The following IGFN1 variants were observed in gnomAD, a reference collection of about 807,000 sequenced individuals.
The protein encoded by IGFN1 is immunoglobulin-like and fibronectin type III domain-containing protein 1.
In IGFN1, 253 loss-of-function variants were observed where a neutral mutation model predicts 289.5. That is an observed-to-expected ratio of 0.87 (90% confidence interval 0.79 to 0.97). The LOEUF (loss-of-function observed/expected upper bound fraction) is 0.97. Ranked by LOEUF, IGFN1 falls within the 50% of genes least tolerant of loss-of-function variation. The probability of loss-of-function intolerance (pLI) is 0.00; values close to 1 mark genes in which losing one functional copy is unlikely to be tolerated. For missense variants in IGFN1, 4,470 were observed against 4,686.1 expected, an observed-to-expected ratio of 0.95 and a Z score of 1.35; for synonymous variants, 1,706 against 1,788.5, an observed-to-expected ratio of 0.95 and a Z score of 1.16.
chr1:201,220,143 C>A (rs1282013702), intron 18 of IGFN1, among the ~76,000 whole-genome samples: 5 of 144,308 alleles, frequency 3.5e-5, no homozygotes, highest in Non-Finnish European at 6.0e-5. Flanking sequence ...TTCTCTCTCT[C>A]CCCCTTCCTC....
rs1164781127 is a variant in IGFN1, at chr1:201,211,644, A to C, written c.6751A>C (p.Arg2251=). ...EMGSMDEADY[R]KDLGAPEEMG... ...GGGGTCAATGGATGAGGCAGATTATAGGAAGGATTTGGGAGCTCCTGAGGA... is the reference window on the plus strand; with the variant it reads ...GGGGTCAATGGATGAGGCAGATTATCGGAAGGATTTGGGAGCTCCTGAGGA... Residue 2251 remains arginine (R), a synonymous_variant, in exon 12 of 24, where the codon AGG becomes CGG. Coordinates refer to ENST00000335211, the MANE Select transcript of IGFN1 (RefSeq NM_001164586.2). 2.6e-6 allele frequency: 4 copies of C among 1,536,864 alleles called. No homozygotes were observed. The Admixed American group carries it at 5.9e-5, about 23-fold the overall frequency.
chr1:201,197,300 G>A lies in IGFN1; in HGVS notation c.350G>A (p.Arg117Lys). 1 of 1,550,554 alleles carries A rather than the reference G, an allele frequency of 6.4e-7. No individual in the cohort carries two copies. Among genetic ancestry groups the A allele is most frequent in the African/African-American group, 1.4e-5 (1 of 73,152 alleles). The change falls in exon 5 of 24, where the codon AGA (arginine) becomes AAA (lysine). Residue 117 changes from arginine (R) to lysine (K), a missense_variant. Arg to Lys is a conservative substitution (Grantham distance 26). Around this residue, in one of 8 missense-constraint regions of IGFN1, gnomAD observed 2,011 missense variants for 1,953.4 expected, o/e 1.03. Coordinates refer to ENST00000335211, the MANE Select transcript of IGFN1 (RefSeq NM_001164586.2). ...TACGGAGAGGCCGCTTGCTCAGTGA[G>A]ACTCACTGTCATCGAAGGTGGGCTT... ...NAYGEAACSVRLTVIEVGFRK... is the reference protein window; with the variant it reads ...NAYGEAACSVKLTVIEVGFRK...
rs76490995 is a variant in IGFN1, at chr1:201,194,903, G to A, written c.127+630G>A. Among the ~76,000 whole-genome samples the A allele has an allele frequency of 8.5e-3, 1,296 of 152,352 alleles. 20 individuals are homozygous for A. Among genetic ancestry groups the A allele is most frequent in the African/African-American group, 0.029 (1,201 of 41,576 alleles). On this transcript the variant is annotated intron_variant, in intron 3 of 23. Coordinates refer to ENST00000335211, the MANE Select transcript of IGFN1 (RefSeq NM_001164586.2). ...ATCTGGAACAAGGTAATGAGAAATT[G>A]GGAAGGGCCCTTGGGCCTTTGGTCT...
In IGFN1 at chr1:201,206,138, A is replaced by T; in HGVS notation, c.1245A>T (p.Gln415His). 1 of 1,550,956 alleles carries T rather than the reference A, an allele frequency of 6.4e-7. No homozygotes were observed. The highest frequency in any genetic ancestry group is 8.7e-7 in the Non-Finnish European group (1 of 1,146,958). Residue 415 changes from glutamine (Q) to histidine (H), a missense_variant, in exon 12 of 24, where the codon CAA (glutamine) becomes CAT (histidine). Coordinates refer to ENST00000335211, the MANE Select transcript of IGFN1 (RefSeq NM_001164586.2). ...GTGCTGACCACAAACTGCAGAGGCAAGGAGCCCAGGCATCAGGAGCAGAAG... is the reference window on the plus strand; with the variant it reads ...GTGCTGACCACAAACTGCAGAGGCATGGAGCCCAGGCATCAGGAGCAGAAG... ...STSADHKLQR[Q>H]GAQASGAEES...
In IGFN1 at chr1:201,197,312, T is replaced by C. The variant is rs1487823328; in HGVS notation, c.362T>C (p.Ile121Thr). The C allele has an allele frequency of 6.5e-7, 1 of 1,543,836 alleles. No individual in the cohort carries two copies. The highest frequency in any genetic ancestry group is 2.4e-5 in the East Asian group (1 of 40,854). The change falls in exon 5 of 24, where the codon ATC becomes ACC. Residue 121 changes from isoleucine to threonine, a missense_variant. This residue lies in a region of IGFN1 where 2,011 missense variants were observed against 1,953.4 expected (regional missense o/e 1.03). Coordinates refer to ENST00000335211, the MANE Select transcript of IGFN1 (RefSeq NM_001164586.2). ...EAACSVRLTV[I>T]EVGFRKNRKR... The stretch of plus-strand genomic sequence containing the variant: ...GCTTGCTCAGTGAGACTCACTGTCA[T>C]CGAAGGTGGGCTTTTCCCTGAGTTT...
chr1:201,215,933 C>T, intron 15 of IGFN1, 95 bp downstream of exon 15: 1 of 1,215,474 alleles, frequency 8.2e-7, no homozygotes, highest in Admixed American at 2.0e-5. Context: ...ATGATCTCTG[C>T]TGGCTCTGAT....
Position 201,215,749 on chromosome 1 carries a change from G to A in IGFN1, c.9206G>A (p.Ser3069Asn), listed in dbSNP as rs1205819665. ...GGCTACACGCGGCTGTGCCTCCCCAGCGCAGGCAGGAAGGACTGTGGCCAG... is the reference window on the plus strand; with the variant it reads ...GGCTACACGCGGCTGTGCCTCCCCAACGCAGGCAGGAAGGACTGTGGCCAG... ...GDGYTRLCLP[S>N]AGRKDCGQYS... The change falls in exon 15 of 24, where the codon AGC becomes AAC. Residue 3069 changes from serine to asparagine, a missense_variant. Ser to Asn is a conservative substitution (Grantham distance 46). This residue lies in a region of IGFN1 where 2,218 missense variants were observed against 2,114.1 expected (regional missense o/e 1.05). Transcript: ENST00000335211. 1.2e-6 allele frequency: 2 copies of A among 1,609,742 alleles called. No individual in the cohort carries two copies. Among genetic ancestry groups the A allele is most frequent in the East Asian group, 2.2e-5 (1 of 44,810 alleles).
chr1:201,215,847 C>T lies in IGFN1; in HGVS notation c.9295+9C>T, dbSNP rs1240439828. ...CACTCTGCAAGTCATAGGTACCAGC[C>T]CTGTCTTCCCCCAACTAAGGCCTGA... On this transcript the variant is annotated intron_variant, in intron 15 of 23. Coordinates refer to ENST00000335211, the MANE Select transcript of IGFN1 (RefSeq NM_001164586.2). 1.9e-6 allele frequency: 3 copies of T among 1,604,546 alleles called. No homozygotes were observed. The highest frequency in any genetic ancestry group is 1.1e-5 in the South Asian group (1 of 88,840).
chr1:201,219,037 C>CA (rs926347234), intron 18 of IGFN1, among the ~76,000 whole-genome samples: 22 of 130,146 alleles, frequency 1.7e-4, no homozygotes, highest in Middle Eastern at 3.8e-3. Context: ...GACCCTGTTA[C>CA]AAAAAAAAAG....
rs369378003 is a variant in IGFN1, at chr1:201,222,802, C to G, written c.10265C>G (p.Thr3422Arg). 1.2e-4 allele frequency: 190 copies of G among 1,613,272 alleles called. 2 individuals carry two copies. In the South Asian group the frequency reaches 1.8e-3, roughly 15 times the overall value. ...KDLLTVKVGD[T>R]VRVPVSFEAM... ...TTGCTGACAGTCAAGGTCGGGGACA[C>G]AGTTCGTGTGCCCGTCTCCTTTGAA... The change falls in exon 20 of 24, where the codon ACA becomes AGA. Residue 3422 changes from threonine to arginine, a missense_variant. Physicochemically the swap from Thr to Arg is moderately conservative, Grantham distance 71. Transcript: ENST00000335211.
At position 201,221,637 on chromosome 1, in the gene IGFN1, G is replaced by A. The variant is rs539036720; in HGVS notation, c.10092G>A (p.Lys3364=). The change falls in exon 19 of 24, where the codon AAG becomes AAA. Residue 3364 remains lysine, a synonymous_variant. Coordinates refer to ENST00000335211, the MANE Select transcript of IGFN1 (RefSeq NM_001164586.2). ...TGCCAGTCACCACCTACACGGCCAA[G>A]GGGCTTCGGCCTGGAGAGGGCTACT... is the stretch of plus-strand genomic sequence containing the variant. ...GTVPVTTYTA[K]GLRPGEGYFV... The A allele has an allele frequency of 1.4e-5, 22 of 1,614,218 alleles. No individual in the cohort carries two copies. In the East Asian group the frequency reaches 2.0e-4, roughly 15 times the overall value.
At position 201,205,106 on chromosome 1, in the gene IGFN1, C is replaced by T. The variant is rs1381914352; in HGVS notation, c.941C>T (p.Pro314Leu). 6.5e-7 allele frequency: 1 copy of T among 1,549,084 alleles called. No individual in the cohort carries two copies. Among genetic ancestry groups the T allele is most frequent in the Non-Finnish European group, 8.7e-7 (1 of 1,145,706 alleles). The change falls in exon 11 of 24, where the codon CCA becomes CTA. Residue 314 changes from proline (P) to leucine (L), a missense_variant. Pro to Leu is a moderately conservative substitution (Grantham distance 98). This residue lies in a region of IGFN1 where 2,011 missense variants were observed against 1,953.4 expected (regional missense o/e 1.03). Transcript: ENST00000335211. ...ASAIPPRVVV[P>L]LAETHCEEQG... Reference sequence around the variant, plus strand: ...GCCATCCCCCCAAGAGTGGTGGTCCCACTGGCGGAGACCCACTGTGAGGAG... The same window carrying T: ...GCCATCCCCCCAAGAGTGGTGGTCCTACTGGCGGAGACCCACTGTGAGGAG...
chr1:201,199,445 C>A, intron 6 of IGFN1, 67 bp downstream of exon 6: 1 of 1,494,510 alleles, frequency 6.7e-7, no homozygotes, highest in Non-Finnish European at 9.1e-7. Context: ...TCCTGGTGTT[C>A]CCTGCCTGGT....
chr1:201,201,246 A>G (rs139052098), intron 8 of IGFN1, among the ~76,000 whole-genome samples: 218 of 152,324 alleles, frequency 1.4e-3, no homozygotes, highest in African/African-American at 4.7e-3. Flanking sequence ...TAACTTAACT[A>G]TAGCATAAGT....
chr1:201,191,918 T>C (rs796616218), intron 1 of IGFN1, among the ~76,000 whole-genome samples: 63 of 149,660 alleles, frequency 4.2e-4, no homozygotes, highest in African/African-American at 1.5e-3. Flanking sequence ...GAACTCAAAC[T>C]ACTCCAGTGT....
chr1:201,191,341 C>T (rs1666650962), intron 1 of IGFN1, among the ~76,000 whole-genome samples: 1 of 152,092 alleles, frequency 6.6e-6, no homozygotes, highest in Admixed American at 6.5e-5. Context: ...GTAGCAGGGA[C>T]CAACTGGAGG....
chr1:201,226,188 G>T, intron 22 of IGFN1, 65 bp downstream of exon 22: 1 of 1,458,666 alleles, frequency 6.9e-7, no homozygotes, highest in Non-Finnish European at 9.1e-7. Context: ...GCAGTGGGAT[G>T]CACCCAAGCA....
intron 1 of IGFN1, among the ~76,000 whole-genome samples, chr1:201,192,126 C>G (rs552086940): frequency 6.6e-6 from 1 of 152,218 alleles, no homozygotes; most frequent in African/African-American, 2.4e-5. Context: ...CACTCCAGAA[C>G]GCAGTTGGCG....
chr1:201,226,901 T>C lies in IGFN1; in HGVS notation c.10806T>C (p.Ala3602=). 1.3e-6 allele frequency: 2 copies of C among 1,597,198 alleles called. No individual in the cohort carries two copies. Among genetic ancestry groups the C allele is most frequent in the Non-Finnish European group, 1.7e-6 (2 of 1,170,354 alleles). The change falls in exon 23 of 24, where the codon GCT becomes GCC. Residue 3602 remains alanine, a synonymous_variant. Coordinates refer to ENST00000335211, the MANE Select transcript of IGFN1 (RefSeq NM_001164586.2). ...PRQRDRFTVK[A]PCYREPDLSQ... Reference sequence around the variant, plus strand: ...CCACAGACAGGTTCACAGTGAAGGCTCCGTGCTACCGGGAGCCCGACCTGA... The same window carrying C: ...CCACAGACAGGTTCACAGTGAAGGCCCCGTGCTACCGGGAGCCCGACCTGA...
Sources: allele counts gnomAD v4.1 joint callset (sites outside exome capture counted in the v4.1 genomes callset), GRCh38; gene constraint gnomAD v4.1.1; regional missense constraint gnomAD v4.1.1; transcripts MANE v1.5; gene names NCBI Gene and HGNC (gene_info 2026-07-23, HGNC 2026-07-21).